Variants in CSMD1 observed in about 807,000 individuals in gnomAD.
CSMD1 encodes CUB and sushi domain-containing protein 1.
CSMD1 carries 213 observed loss-of-function variants against 417.5 expected under a neutral mutation model. That is an observed-to-expected ratio of 0.51 (90% CI 0.46 to 0.57). The LOEUF (loss-of-function observed/expected upper bound fraction) is 0.57, where lower values mean the gene tolerates loss of function less well. Ranked by LOEUF, CSMD1 falls within the 20% of genes least tolerant of loss-of-function variation. The pLI is 0.00. For synonymous variants in CSMD1, 2,862 were observed against 1,736.8 expected (o/e 1.65, Z -16.11); for missense variants, 6,923 against 4,529.7 (o/e 1.53, Z -15.17).
intron 5 of CSMD1, among the ~76,000 whole-genome samples, chr8:3,922,521 C>T (rs1002967348): frequency 1.3e-5 from 2 of 152,020 alleles, no homozygotes; most frequent in East Asian, 3.9e-4. Flanking sequence ...TGATTCTTTT[C>T]TATTTATTTT....
chr8:4,763,233 G>C (rs910104841), intron 1 of CSMD1, among the ~76,000 whole-genome samples: 1 of 152,182 alleles, frequency 6.6e-6, no homozygotes, highest in Non-Finnish European at 1.5e-5. Flanking sequence ...TTTTCTTTCT[G>C]AAAACTCTTT....
chr8:3,595,782 A>G (rs560747621), intron 8 of CSMD1, among the ~76,000 whole-genome samples: 1 of 152,344 alleles, frequency 6.6e-6, no homozygotes, highest in Admixed American at 6.5e-5. Context: ...GGACTTTGTC[A>G]TGCGAAGTAG....
chr8:4,432,249 C>G (rs1797914029), intron 2 of CSMD1, among the ~76,000 whole-genome samples: 1 of 152,146 alleles, frequency 6.6e-6, no homozygotes, highest in Admixed American at 6.5e-5. Flanking sequence ...ACAGTAAACT[C>G]ACACAGGAAC....
rs1009476077 is a variant in CSMD1 at position 3,541,754 on chromosome 8, T to C, written c.1344+33191A>G. Among the ~76,000 whole-genome samples the C allele has an allele frequency of 2.0e-5, 3 of 149,678 alleles. No homozygotes were observed. The South Asian group carries it at 6.2e-4, about 31-fold the overall frequency. On this transcript the variant is annotated intron_variant, in intron 10 of 69. Coordinates refer to ENST00000635120, the MANE Select transcript of CSMD1 (RefSeq NM_033225.6). ...TTATAAAATATTATATAAATATATA[T>C]AAACAAAATAATATCAACTACAGCT...
At chr8:4,700,600 G>T (rs1186579281) in intron 1 of CSMD1, among the ~76,000 whole-genome samples, 1 of 152,002 alleles carries the variant, frequency 6.6e-6, no homozygotes, top group Non-Finnish European at 1.5e-5. Context: ...TGAAATAATT[G>T]GGTATCATTA....
At chr8:3,362,685 T>C (rs187484629) in intron 20 of CSMD1, among the ~76,000 whole-genome samples, 8 of 152,362 alleles carry the variant, frequency 5.3e-5, no homozygotes, top group Admixed American at 3.3e-4. Context: ...GAAAAAGGTC[T>C]GTATTTTCTT....
intron 2 of CSMD1, among the ~76,000 whole-genome samples, chr8:4,422,685 C>T (rs1039934379): frequency 1.3e-5 from 2 of 151,808 alleles, no homozygotes; most frequent in Admixed American, 6.6e-5. Flanking sequence ...TTATGGCAGC[C>T]TAAAGAGACT....
At chr8:4,692,285 G>A (rs1023824331) in intron 1 of CSMD1, among the ~76,000 whole-genome samples, 7 of 152,086 alleles carry the variant, frequency 4.6e-5, no homozygotes, top group African/African-American at 1.7e-4. Context: ...TCTTAGTTAT[G>A]AGAAAGGGAG....
At chr8:3,306,307 G>A (rs1407872307) in intron 25 of CSMD1, among the ~76,000 whole-genome samples, 1 of 152,086 alleles carries the variant, frequency 6.6e-6, no homozygotes, top group Non-Finnish European at 1.5e-5. Flanking sequence ...CTGAGTAGCT[G>A]GGATTACAGG....
intron 3 of CSMD1, among the ~76,000 whole-genome samples, chr8:4,146,272 C>G (rs1022658452): frequency 6.6e-6 from 1 of 150,940 alleles, no homozygotes; most frequent in Non-Finnish European, 1.5e-5. Flanking sequence ...GGCAGTAATT[C>G]GCGTAGTGCA....
intron 3 of CSMD1, among the ~76,000 whole-genome samples, chr8:4,052,041 T>G (rs921826172): frequency 1.3e-5 from 2 of 152,030 alleles, no homozygotes; most frequent in African/African-American, 4.8e-5. Context: ...GTTCAAGGGA[T>G]TATCCTGCCT....
chr8:3,905,537 T>C (rs114016337), intron 5 of CSMD1, among the ~76,000 whole-genome samples: 1,707 of 152,346 alleles, frequency 0.011, 28 homozygotes, highest in African/African-American at 0.038. Flanking sequence ...ACATTCAGCA[T>C]GCATTCCCAT....
chr8:4,621,522 C>A (rs1194332278), intron 2 of CSMD1, among the ~76,000 whole-genome samples: 2 of 152,108 alleles, frequency 1.3e-5, no homozygotes, highest in African/African-American at 4.8e-5. Context: ...ACAATCTATA[C>A]AGCCCTAAAT....
chr8:3,689,166 G>A (rs963678330), intron 7 of CSMD1, among the ~76,000 whole-genome samples: 2 of 152,136 alleles, frequency 1.3e-5, no homozygotes, highest in African/African-American at 2.4e-5. Flanking sequence ...CTCTAAGGTT[G>A]GGAACATGTC....
intron 3 of CSMD1, among the ~76,000 whole-genome samples, chr8:4,367,248 C>T (rs1802129996): frequency 6.6e-6 from 1 of 152,096 alleles, no homozygotes; most frequent in African/African-American, 2.4e-5. Context: ...GGTCCAGTCT[C>T]ATAAGTCCAG....
chr8:3,181,159 G>T lies in CSMD1; in HGVS notation c.5676C>A (p.Phe1892Leu). 1 of 1,613,948 alleles carries T rather than the reference G, an allele frequency of 6.2e-7. No individual in the cohort carries two copies. The change falls in exon 37 of 70, where the codon TTC becomes TTA. Residue 1892 changes from phenylalanine (F) to leucine (L), a missense_variant. Transcript: ENST00000635120. ...CAGCTGCCACACTAATGTCAGACTG[G>T]AAATGCAGGTAGAGTTGGTTGGAAG... The part of the protein sequence containing the change: ...NSTSNQLYLH[F>L]QSDISVAAAG...
intron 3 of CSMD1, among the ~76,000 whole-genome samples, chr8:4,048,788 A>G (rs933361542): frequency 1.3e-5 from 2 of 152,224 alleles, no homozygotes; most frequent in Admixed American, 1.3e-4. Flanking sequence ...CATGAATGTT[A>G]TTATACAGTA....
chr8:4,489,526 T>C (rs1801591010), intron 2 of CSMD1, among the ~76,000 whole-genome samples: 1 of 152,208 alleles, frequency 6.6e-6, no homozygotes, highest in South Asian at 2.1e-4. Context: ...AAAGAATTAC[T>C]CTCAATGATT....
At chr8:4,058,851 T>A (rs1289912402) in intron 3 of CSMD1, among the ~76,000 whole-genome samples, 1 of 151,672 alleles carries the variant, frequency 6.6e-6, no homozygotes, top group Non-Finnish European at 1.5e-5. Flanking sequence ...TGGGAGACTT[T>A]AACACACCAC....
Sources: allele counts gnomAD v4.1 joint callset (sites outside exome capture counted in the v4.1 genomes callset), GRCh38; gene constraint gnomAD v4.1.1; transcripts MANE v1.5; gene names NCBI Gene and HGNC (gene_info 2026-07-23, HGNC 2026-07-21).